The following SIGLEC7 variants were observed in gnomAD, a reference collection of about 807,000 sequenced individuals.
The protein encoded by SIGLEC7 is sialic acid-binding Ig-like lectin 7.
SIGLEC7 carries 33 observed loss-of-function variants against 40.8 expected under a neutral mutation model. The ratio of observed to expected loss-of-function variants is 0.81; its 90% CI spans 0.61 to 1.08. SIGLEC7 has a LOEUF of 1.08. Ranked by LOEUF, SIGLEC7 falls within the 50% of genes least tolerant of loss-of-function variation. The probability of loss-of-function intolerance (pLI) is 0.00; values close to 1 mark genes in which losing one functional copy is unlikely to be tolerated. For synonymous variants in SIGLEC7, 242 were observed against 237.6 expected (o/e 1.02, Z -0.17); for missense variants, 513 against 576.1 (o/e 0.89, Z 1.12).
At chr19:51,148,067 G>A (rs1028925021) in intron 6 of SIGLEC7, among the ~76,000 whole-genome samples, 8 of 152,110 alleles carry the variant, frequency 5.3e-5, no homozygotes, top group Non-Finnish European at 8.8e-5. Flanking sequence ...GCACATTCTC[G>A]TCTCTTAAAC....
At chr19:51,148,818 T>C (rs1220703287) in intron 6 of SIGLEC7, among the ~76,000 whole-genome samples, 2 of 152,236 alleles carry the variant, frequency 1.3e-5, no homozygotes, top group African/African-American at 4.8e-5. Context: ...GTATAAGTGT[T>C]CCCTTTTCTC....
chr19:51,150,977 G>A (rs1428537453), intron 6 of SIGLEC7, among the ~76,000 whole-genome samples: 1 of 152,178 alleles, frequency 6.6e-6, no homozygotes, highest in Non-Finnish European at 1.5e-5. Context: ...CGTTCAGGGT[G>A]GTATAGCTGT....
Position 51,145,031 on chromosome 19 carries a change from C to T in SIGLEC7, c.760+72C>T. 1.4e-6 allele frequency: 2 copies of T among 1,417,212 alleles called. No individual in the cohort carries two copies. The highest frequency in any genetic ancestry group is 1.1e-5 in the South Asian group (1 of 86,982). 87.8% of individuals were successfully genotyped at this position (1,417,212 alleles called of 1,614,324 possible). A position where few individuals can be genotyped will look rare whatever the true frequency, so the allele number is the denominator to read the frequency against. ...CTCAGGGCAGGGCCAGGTCCCTCCT[C>T]ATCCTGGACTCACCCTGGTGATATG... On this transcript the variant is annotated intron_variant, in intron 3 of 6. Coordinates refer to ENST00000317643, the MANE Select transcript of SIGLEC7 (RefSeq NM_014385.4). This position sits in a 1 kb window ranked among gnomAD's most constrained non-coding sequence, Gnocchi z 4.3.
rs915023529 is a variant in SIGLEC7 at position 51,145,736 on chromosome 19, T to C, written c.761-119T>C. Reference sequence around the variant, plus strand: ...CATTCCCAACAGTGAGCGGTGAACATAAGTATGTCCCTGCACCAGCCTACA... The same window carrying C: ...CATTCCCAACAGTGAGCGGTGAACACAAGTATGTCCCTGCACCAGCCTACA... On this transcript the variant is annotated intron_variant, in intron 3 of 6. Transcript: ENST00000317643. This position sits in a 1 kb window ranked among gnomAD's most constrained non-coding sequence, Gnocchi z 4.3. The C allele has an allele frequency of 1.0e-5, 12 of 1,162,352 alleles. No individual in the cohort carries two copies. Among genetic ancestry groups the C allele is most frequent in the Non-Finnish European group, 1.5e-5 (12 of 814,630 alleles). The allele number at this position is 1,162,352 out of a possible 1,614,324, so 72.0% of individuals were successfully genotyped here. A position where few individuals can be genotyped will look rare whatever the true frequency, so the allele number is the denominator to read the frequency against.
Position 51,144,896 on chromosome 19 carries a change from T to C in SIGLEC7, c.713-16T>C. 6.2e-7 allele frequency: 1 copy of C among 1,613,904 alleles called. No individual in the cohort carries two copies. The highest frequency in any genetic ancestry group is 1.1e-5 in the South Asian group (1 of 91,070). ...GCCCTCACAGTGATGCAGGTCTCCA[T>C]GTCTTTCTGTCCCAGACCCTCCTCA... On this transcript the variant is annotated splice_polypyrimidine_tract_variant and intron_variant, in intron 2 of 6. Transcript: ENST00000317643.
rs1244413837 is a variant in SIGLEC7 at position 51,144,690 on chromosome 19, T to C, written c.712+6T>C. On this transcript the variant is annotated splice_donor_region_variant and intron_variant, in intron 2 of 6. Coordinates refer to ENST00000317643, the MANE Select transcript of SIGLEC7 (RefSeq NM_014385.4). Reference sequence around the variant, plus strand: ...CATCCAACTCAATGTGTCCTGTGAGTGCTGAGCCAGGACGCCCTGGTCCCT... The same window carrying C: ...CATCCAACTCAATGTGTCCTGTGAGCGCTGAGCCAGGACGCCCTGGTCCCT... 1.9e-6 allele frequency: 3 copies of C among 1,611,978 alleles called. No homozygotes were observed. The highest frequency in any genetic ancestry group is 1.7e-6 in the Non-Finnish European group (2 of 1,179,260).
Position 51,146,855 on chromosome 19 carries a change from G to C in SIGLEC7, c.1124+5G>C. 6.2e-7 allele frequency: 1 copy of C among 1,613,062 alleles called. No homozygotes were observed. The highest frequency in any genetic ancestry group is 8.5e-7 in the Non-Finnish European group (1 of 1,179,184). ...CTTCTGTGTCATCTTCATTGTGTGA[G>C]CACTGACCCTAGGGAGGGAGGGAGA... On this transcript the variant is annotated splice_donor_5th_base_variant and intron_variant, in intron 5 of 6. Coordinates refer to ENST00000317643, the MANE Select transcript of SIGLEC7 (RefSeq NM_014385.4).
At chr19:51,144,738 G>A in intron 2 of SIGLEC7, 54 bp downstream of exon 2, 1 of 1,595,518 alleles carries the variant, frequency 6.3e-7, no homozygotes, top group East Asian at 2.2e-5. Flanking sequence ...ACGTCCCTGA[G>A]GGCAGAGGAT....
rs2092076998 is a variant in SIGLEC7, at chr19:51,142,695, G to A, written c.326G>A (p.Ser109Asn). The change falls in exon 1 of 7, where the codon AGC (serine) becomes AAC (asparagine). Residue 109 changes from serine to asparagine, a missense_variant. Physicochemically the swap from Ser to Asn is conservative, Grantham distance 46 (BLOSUM62 1). Transcript: ENST00000317643. The surrounding 1 kb of genome is among the most constrained non-coding windows in gnomAD (Gnocchi z 5.0). ...CCACAGACCAAAAATTGCACCCTGA[G>A]CATCAGAGATGCCAGAATGAGTGAT... ...GDPQTKNCTL[S>N]IRDARMSDAG... 3 of 1,614,078 alleles carry A rather than the reference G, an allele frequency of 1.9e-6. No homozygotes were observed. The highest frequency in any genetic ancestry group is 2.2e-5 in the East Asian group (1 of 44,892).
Position 51,146,093 on chromosome 19 carries a change from G to T in SIGLEC7, c.999G>T (p.Leu333=), listed in dbSNP as rs370080936. 1 of 1,614,104 alleles carries T rather than the reference G, an allele frequency of 6.2e-7. No homozygotes were observed. The highest frequency in any genetic ancestry group is 8.5e-7 in the Non-Finnish European group (1 of 1,180,052). ...CTCTGGGTTCCCAGCACGTTTCCCT[G>T]AACCTCTCCCTGCAACAGGAGTACA... ...QNSLGSQHVS[L]NLSLQQEYTG... Residue 333 remains leucine (L), a synonymous_variant, in exon 4 of 7, where the codon CTG becomes CTT. Transcript: ENST00000317643.
chr19:51,144,924 A>G lies in SIGLEC7; in HGVS notation c.725A>G (p.Asn242Ser), dbSNP rs1279891774. The change falls in exon 3 of 7, where the codon AAC (asparagine) becomes AGC (serine). Residue 242 changes from asparagine (N) to serine (S), a missense_variant. Physicochemically the swap from Asn to Ser is conservative, Grantham distance 46. Coordinates refer to ENST00000317643, the MANE Select transcript of SIGLEC7 (RefSeq NM_014385.4). ...IQLNVSYPPQ[N>S]LTVTVFQGEG... is the part of the protein sequence containing the mutation. ...CTTTCTGTCCCAGACCCTCCTCAGAACTTGACTGTGACTGTCTTCCAAGGA... is the reference window on the plus strand; with the variant it reads ...CTTTCTGTCCCAGACCCTCCTCAGAGCTTGACTGTGACTGTCTTCCAAGGA... 1 of 1,613,872 alleles carries G rather than the reference A, an allele frequency of 6.2e-7. No homozygotes were observed. Among genetic ancestry groups the G allele is most frequent in the Non-Finnish European group, 8.5e-7 (1 of 1,179,936 alleles).
In SIGLEC7 at chr19:51,153,071, G is replaced by A. The variant is rs2092154718; in HGVS notation, c.1230G>A (p.Leu410=). 1 of 1,567,516 alleles carries A rather than the reference G, an allele frequency of 6.4e-7. No homozygotes were observed. The highest frequency in any genetic ancestry group is 1.4e-5 in the African/African-American group (1 of 73,534). The change falls in exon 7 of 7, where the codon CTG becomes CTA. Residue 410 remains leucine (L), a synonymous_variant. Coordinates refer to ENST00000317643, the MANE Select transcript of SIGLEC7 (RefSeq NM_014385.4). ...TCTCTCTCTCCATTCAGGGTAACCT[G>A]ACTGAGTCCTGGGCAGATGATAACC... ...TIRGSASQGN[L]TESWADDNPR... is the part of the protein sequence containing the mutation.
chr19:51,147,084 G>A, intron 5 of SIGLEC7, 137 bp from the exon 6 acceptor site: 1 of 1,331,230 alleles, frequency 7.5e-7, no homozygotes, highest in Non-Finnish European at 1.0e-6. Flanking sequence ...CAACACTGGG[G>A]TCTCTGGGAC....
At chr19:51,149,774 T>C (rs905485112) in intron 6 of SIGLEC7, among the ~76,000 whole-genome samples, 9 of 152,260 alleles carry the variant, frequency 5.9e-5, no homozygotes, top group African/African-American at 2.2e-4. Flanking sequence ...TGATTCTTTT[T>C]ATCCATGAGC....
chr19:51,144,244 TG>T (rs751095580), intron 1 of SIGLEC7, 161 bp from the exon 2 acceptor site: 4 of 1,080,586 alleles, frequency 3.7e-6, no homozygotes, highest in South Asian at 1.5e-5. Flanking sequence ...GGAAAGGTCA[TG>T]GGGGTGGCAG....
At chr19:51,149,345 G>A (rs1368917864) in intron 6 of SIGLEC7, among the ~76,000 whole-genome samples, 2 of 152,186 alleles carry the variant, frequency 1.3e-5, no homozygotes, top group African/African-American at 4.8e-5. Flanking sequence ...GTATAAGGAA[G>A]CAGTCCCACT....
At position 51,153,422 on chromosome 19, in the gene SIGLEC7, A is replaced by G; in HGVS notation, c.*177A>G. ...GACCAAACTCTCCCTTTCCCCATCCAATCGGTCCACACTCCCCGCCCTGGC... is the reference window on the plus strand; with the variant it reads ...GACCAAACTCTCCCTTTCCCCATCCGATCGGTCCACACTCCCCGCCCTGGC... On this transcript the variant is annotated 3_prime_UTR_variant, in exon 7 of 7. Coordinates refer to ENST00000317643, the MANE Select transcript of SIGLEC7 (RefSeq NM_014385.4). 6.5e-6 allele frequency: 3 copies of G among 462,846 alleles called. No individual in the cohort carries two copies. Among genetic ancestry groups the G allele is most frequent in the Non-Finnish European group, 1.1e-5 (3 of 268,072 alleles). 28.7% of individuals were successfully genotyped at this position (462,846 alleles called of 1,614,324 possible).
rs1433235682 is a variant in SIGLEC7, at chr19:51,142,726, G to C, written c.357G>C (p.Gly119=). 5 of 1,614,086 alleles carry C rather than the reference G, an allele frequency of 3.1e-6. No individual in the cohort carries two copies. The highest frequency in any genetic ancestry group is 4.2e-6 in the Non-Finnish European group (5 of 1,179,982). The change falls in exon 1 of 7, where the codon GGG becomes GGC. Residue 119 remains glycine, a synonymous_variant. Transcript: ENST00000317643. This position sits in a 1 kb window ranked among gnomAD's most constrained non-coding sequence, Gnocchi z 5.0. Reference sequence around the variant, plus strand: ...GAGATGCCAGAATGAGTGATGCGGGGAGATACTTCTTTCGTATGGAGAAAG... The same window carrying C: ...GAGATGCCAGAATGAGTGATGCGGGCAGATACTTCTTTCGTATGGAGAAAG... ...SIRDARMSDA[G]RYFFRMEKGN... is the part of the protein sequence containing the mutation.
chr19:51,142,690 C>A lies in SIGLEC7; in HGVS notation c.321C>A (p.Thr107=), dbSNP rs2092076835. ...LLGDPQTKNC[T]LSIRDARMSD... is the part of the protein sequence containing the mutation. ...GGGACCCACAGACCAAAAATTGCACCCTGAGCATCAGAGATGCCAGAATGA... is the reference window on the plus strand; with the variant it reads ...GGGACCCACAGACCAAAAATTGCACACTGAGCATCAGAGATGCCAGAATGA... Residue 107 remains threonine (T), a synonymous_variant, in exon 1 of 7, where the codon ACC becomes ACA. Transcript: ENST00000317643. This position sits in a 1 kb window ranked among gnomAD's most constrained non-coding sequence, Gnocchi z 5.0. 6.2e-7 allele frequency: 1 copy of A among 1,613,962 alleles called. No individual in the cohort carries two copies. The highest frequency in any genetic ancestry group is 1.3e-5 in the African/African-American group (1 of 74,872).
Sources: allele counts gnomAD v4.1 joint callset (sites outside exome capture counted in the v4.1 genomes callset), GRCh38; gene constraint gnomAD v4.1.1; non-coding constraint Gnocchi (gnomAD v3.1); transcripts MANE v1.5; gene names NCBI Gene and HGNC (gene_info 2026-07-23, HGNC 2026-07-21).